The following EML6 variants were observed in gnomAD, a reference collection of about 807,000 sequenced individuals.
EML6 encodes the protein echinoderm microtubule-associated protein-like 6.
EML6 carries 154 observed loss-of-function variants against 240.1 expected under a neutral mutation model. The ratio of observed to expected loss-of-function variants is 0.64; its 90% CI spans 0.56 to 0.73. The LOEUF (loss-of-function observed/expected upper bound fraction) is 0.73, where lower values mean the gene tolerates loss of function less well. Ranked by LOEUF, EML6 falls within the 30% of genes least tolerant of loss-of-function variation. The probability of loss-of-function intolerance (pLI) is 0.00; values close to 1 mark genes in which losing one functional copy is unlikely to be tolerated. For missense variants in EML6, 2,964 were observed against 2,474.6 expected (o/e 1.20, Z -4.20); for synonymous variants, 1,148 against 899.0 (o/e 1.28, Z -4.95).
At chr2:54,753,070 T>C (rs774966916) in intron 2 of EML6, among the ~76,000 whole-genome samples, 24 of 152,262 alleles carry the variant, frequency 1.6e-4, no homozygotes, top group Non-Finnish European at 2.6e-4. Context: ...ACCTGGATCA[T>C]AGGGCATGCA....
At chr2:54,855,489 A>T (rs1361765594) in intron 11 of EML6, among the ~76,000 whole-genome samples, 2 of 119,674 alleles carry the variant, frequency 1.7e-5, no homozygotes, top group East Asian at 2.9e-4. Context: ...TCTGGAGATT[A>T]CAATTCAACA....
At chr2:54,896,186 A>C (rs1300548098) in intron 21 of EML6, among the ~76,000 whole-genome samples, 2 of 152,174 alleles carry the variant, frequency 1.3e-5, no homozygotes, top group African/African-American at 4.8e-5. Context: ...GATCTGCTCA[A>C]AGTCCAGAAT....
chr2:54,806,286 G>T (rs145184496), intron 2 of EML6, among the ~76,000 whole-genome samples: 1 of 152,004 alleles, frequency 6.6e-6, no homozygotes, highest in Non-Finnish European at 1.5e-5. Flanking sequence ...GTTCACCATA[G>T]CTCTCTATGT....
intron 2 of EML6, among the ~76,000 whole-genome samples, chr2:54,810,560 G>A (rs2116440): frequency 0.09 from 13,773 of 152,200 alleles, 754 homozygotes; most frequent in East Asian, 0.23. Flanking sequence ...TGTGATCACA[G>A]CAAAATAGTA....
Position 54,813,166 on chromosome 2 carries a change from T to G in EML6, c.198-66T>G, listed in dbSNP as rs1667933794. ...TAGATAATTTAAATGAGAAACAGAT[T>G]TGGATAAAAGGTGATCAGTGTTTTC... On this transcript the variant is annotated intron_variant, in intron 2 of 41. Transcript: ENST00000356458. The G allele has an allele frequency of 4.3e-6, 5 of 1,155,842 alleles. No homozygotes were observed. The Admixed American group carries it at 1.0e-4, about 24-fold the overall frequency. The allele number at this position is 1,155,842 out of a possible 1,614,324, so 71.6% of individuals were successfully genotyped here.
At chr2:54,758,502 A>G (rs955189577) in intron 2 of EML6, among the ~76,000 whole-genome samples, 1 of 152,114 alleles carries the variant, frequency 6.6e-6, no homozygotes. Flanking sequence ...AATCTCTCAG[A>G]TCTCTGTTTA....
At chr2:54,958,979 C>T in intron 33 of EML6, 125 bp from the exon 34 acceptor site, 1 of 881,740 alleles carries the variant, frequency 1.1e-6, no homozygotes, top group South Asian at 1.9e-5. Context: ...TTCCTTAGCA[C>T]AAAGAGATCA....
Position 54,895,372 on chromosome 2 carries a change from A to G in EML6, c.2954A>G (p.Lys985Arg), listed in dbSNP as rs1305344202. The G allele has an allele frequency of 1.3e-6, 2 of 1,551,938 alleles. No individual in the cohort carries two copies. Among genetic ancestry groups the G allele is most frequent in the Admixed American group, 3.9e-5 (2 of 50,988 alleles). The change falls in exon 21 of 42, where the codon AAG (lysine) becomes AGG (arginine). Residue 985 changes from lysine (K) to arginine (R), a missense_variant. Lys to Arg is a conservative substitution (Grantham distance 26). Transcript: ENST00000356458. ...TKNGEILEID[K>R]SGPMTLLVQG... ...AATGGAGAGATTCTGGAAATTGATA[A>G]GAGTGGCCCAATGACACTGCTTGTT... is the stretch of plus-strand genomic sequence containing the variant.
chr2:54,825,587 C>G lies in EML6; in HGVS notation c.526-1979C>G, dbSNP rs533689938. Among the ~76,000 whole-genome samples the G allele has an allele frequency of 7.2e-5, 11 of 152,202 alleles. No individual in the cohort carries two copies. In the South Asian group the frequency reaches 8.3e-4, roughly 12 times the overall value. ...TGCTTTATTATTTCAACATATACTT[C>G]AACACCTTTTCATTAATAATACCCA... On this transcript the variant is annotated intron_variant, in intron 5 of 41. Coordinates refer to ENST00000356458, the MANE Select transcript of EML6 (RefSeq NM_001039753.4).
rs1224074638 is a variant in EML6 at position 54,970,618 on chromosome 2, G to A, written c.*523G>A. 2 of 154,226 alleles carry A rather than the reference G, an allele frequency of 1.3e-5. No homozygotes were observed. The highest frequency in any genetic ancestry group is 2.9e-5 in the Non-Finnish European group (2 of 69,226). The allele number at this position is 154,226 out of a possible 1,614,324, so 9.6% of individuals were successfully genotyped here. A position where few individuals can be genotyped will look rare whatever the true frequency, so the allele number is the denominator to read the frequency against. ...TAGCTTTCAAAACCAAATGAGCCAT[G>A]TATAAAGGAGTTGAGAAACTTAATT... On this transcript the variant is annotated 3_prime_UTR_variant, in exon 42 of 42. Transcript: ENST00000356458.
chr2:54,931,004 C>T (rs1170307881), intron 28 of EML6, among the ~76,000 whole-genome samples: 1 of 135,716 alleles, frequency 7.4e-6, no homozygotes, highest in Non-Finnish European at 1.5e-5. Flanking sequence ...GTCGCCCAGG[C>T]TGGAGTGCAG....
At chr2:54,959,306 C>T in intron 34 of EML6, 45 bp downstream of exon 34, 1 of 1,473,444 alleles carries the variant, frequency 6.8e-7, no homozygotes, top group South Asian at 1.4e-5. Context: ...TTGTTGTTAT[C>T]TTGGGAGAAA....
At chr2:54,938,331 T>G (rs1675257469) in intron 28 of EML6, among the ~76,000 whole-genome samples, 1 of 152,152 alleles carries the variant, frequency 6.6e-6, no homozygotes, top group African/African-American at 2.4e-5. Flanking sequence ...GAAGTTTCTG[T>G]AATTTTAGGG....
intron 28 of EML6, among the ~76,000 whole-genome samples, chr2:54,932,233 T>C (rs1010862535): frequency 8.5e-5 from 13 of 152,212 alleles, no homozygotes; most frequent in African/African-American, 2.2e-4. Flanking sequence ...ACTCCAGCTT[T>C]CCTCTAACAC....
rs1208674599 is a variant in EML6 at position 54,827,714 on chromosome 2, G to C, written c.674G>C (p.Gly225Ala). The stretch of plus-strand genomic sequence containing the variant: ...AATGGTGACATCTATGTCTGGAAAG[G>C]GCTCAATTTAGTCCGCACCATTCAA... ...ALNGDIYVWK[G>A]LNLVRTIQGA... Residue 225 changes from glycine to alanine, a missense_variant, in exon 6 of 42, where the codon GGG becomes GCG. Coordinates refer to ENST00000356458, the MANE Select transcript of EML6 (RefSeq NM_001039753.4). 6.4e-7 allele frequency: 1 copy of C among 1,551,486 alleles called. No individual in the cohort carries two copies. The highest frequency in any genetic ancestry group is 8.7e-7 in the Non-Finnish European group (1 of 1,146,958).
chr2:54,749,618 T>G (rs1684068205), intron 2 of EML6, among the ~76,000 whole-genome samples: 1 of 152,194 alleles, frequency 6.6e-6, no homozygotes. Flanking sequence ...CTGAGCATTT[T>G]GCATACATTA....
At chr2:54,821,274 C>G (rs530162415) in intron 5 of EML6, among the ~76,000 whole-genome samples, 15 of 152,186 alleles carry the variant, frequency 9.9e-5, no homozygotes, top group African/African-American at 3.6e-4. Context: ...TTTCACGATC[C>G]TTCCCATTAG....
chr2:54,946,805 T>A (rs538309724), intron 28 of EML6, among the ~76,000 whole-genome samples: 1 of 152,312 alleles, frequency 6.6e-6, no homozygotes, highest in East Asian at 1.9e-4. Context: ...AATGCAGGTT[T>A]CTTCCCCTTG....
At chr2:54,947,850 T>A (rs993425953) in intron 28 of EML6, among the ~76,000 whole-genome samples, 3 of 152,228 alleles carry the variant, frequency 2.0e-5, no homozygotes, top group African/African-American at 4.8e-5. Flanking sequence ...CTTTCATTTC[T>A]GTTTTAGTTC....
Sources: allele counts gnomAD v4.1 joint callset (sites outside exome capture counted in the v4.1 genomes callset), GRCh38; gene constraint gnomAD v4.1.1; transcripts MANE v1.5; gene names NCBI Gene and HGNC (gene_info 2026-07-23, HGNC 2026-07-21).